Variants in NPAS2 observed in about 807,000 individuals in gnomAD.
NPAS2 encodes the protein neuronal PAS domain-containing protein 2.
In NPAS2, 23 loss-of-function variants were observed where a neutral mutation model predicts 107.5. That is an observed-to-expected ratio of 0.21 (90% CI 0.15 to 0.30). The LOEUF (loss-of-function observed/expected upper bound fraction) is 0.30. Among genes scored for constraint, NPAS2 ranks in the 10% least tolerant of loss-of-function variants. The pLI, the probability that NPAS2 is intolerant of heterozygous loss-of-function variation, is 1.00. For synonymous variants in NPAS2, 403 were observed against 417.5 expected (o/e 0.97, Z 0.42); for missense variants, 756 against 1,043.3 (o/e 0.72, Z 3.79).
chr2:100,978,315 T>C (rs1467717551), intron 15 of NPAS2, among the ~76,000 whole-genome samples: 1 of 152,224 alleles, frequency 6.6e-6, no homozygotes, highest in Non-Finnish European at 1.5e-5. Context: ...TCCATCCAAG[T>C]TGCTGCAGAA....
chr2:100,822,407 T>G (rs1336679685), intron 1 of NPAS2, among the ~76,000 whole-genome samples: 1 of 152,232 alleles, frequency 6.6e-6, no homozygotes. Flanking sequence ...TGTTTAATAA[T>G]GCAAATGATG....
Position 100,990,883 on chromosome 2 carries a change from C to A in NPAS2, c.2111+11C>A, listed in dbSNP as rs771644071. ...GGGACGGCAAGTCAAGTACGTGGAC[C>A]CTGGCGGGAGGCAGGAGGCAAGCGC... is the stretch of plus-strand genomic sequence containing the variant. On this transcript the variant is annotated intron_variant, in intron 19 of 20. Coordinates refer to ENST00000335681, the MANE Select transcript of NPAS2 (RefSeq NM_002518.4). 5.0e-6 allele frequency: 8 copies of A among 1,612,912 alleles called. No individual in the cohort carries two copies. Among genetic ancestry groups the A allele is most frequent in the South Asian group, 4.4e-5 (4 of 91,038 alleles).
At chr2:100,919,147 T>A (rs1558871641) in intron 2 of NPAS2, among the ~76,000 whole-genome samples, 1 of 152,158 alleles carries the variant, frequency 6.6e-6, no homozygotes, top group South Asian at 2.1e-4. Flanking sequence ...AAAGGTTACA[T>A]GCTATAGGAT....
At chr2:100,974,209 G>A (rs148530372) in intron 12 of NPAS2, among the ~76,000 whole-genome samples, 6 of 152,292 alleles carry the variant, frequency 3.9e-5, no homozygotes, top group Admixed American at 2.0e-4. Context: ...ACGGTCCTTC[G>A]GAGTCAGACT....
At chr2:100,987,864 G>C in intron 16 of NPAS2, 1 of 612,582 alleles carries the variant, frequency 1.6e-6, no homozygotes. Flanking sequence ...CATGAAGGCA[G>C]AGAGAGTGTC....
At chr2:100,954,310 G>A (rs898069834) in intron 7 of NPAS2, among the ~76,000 whole-genome samples, 1 of 152,150 alleles carries the variant, frequency 6.6e-6, no homozygotes, top group Non-Finnish European at 1.5e-5. Flanking sequence ...GGCTAACCCT[G>A]GGAGAGGCAG....
At chr2:100,905,608 G>T (rs938321029) in intron 2 of NPAS2, among the ~76,000 whole-genome samples, 3 of 152,118 alleles carry the variant, frequency 2.0e-5, no homozygotes, top group Non-Finnish European at 4.4e-5. Context: ...AGCCTTGGCA[G>T]CAGGGGACAT....
intron 1 of NPAS2, among the ~76,000 whole-genome samples, chr2:100,849,678 C>T (rs1295976952): frequency 6.6e-6 from 1 of 152,138 alleles, no homozygotes; most frequent in Non-Finnish European, 1.5e-5. Flanking sequence ...TTACTTTGCT[C>T]TAAAGCAAGG....
At chr2:100,948,402 T>G (rs1675030404) in intron 6 of NPAS2, 47 bp downstream of exon 6, 1 of 1,555,216 alleles carries the variant, frequency 6.4e-7, no homozygotes, top group East Asian at 2.3e-5. Context: ...ATAAGAATTT[T>G]GCTTTTGAAA....
intron 2 of NPAS2, among the ~76,000 whole-genome samples, chr2:100,913,511 G>T (rs1005480289): frequency 6.6e-6 from 1 of 152,176 alleles, no homozygotes; most frequent in Non-Finnish European, 1.5e-5. Flanking sequence ...AGGGAAGCCT[G>T]ATAGACGTTA....
At chr2:100,981,412 C>G (rs1384156917) in intron 15 of NPAS2, among the ~76,000 whole-genome samples, 2 of 152,184 alleles carry the variant, frequency 1.3e-5, no homozygotes, top group African/African-American at 4.8e-5. Flanking sequence ...GCCCCTCCTG[C>G]CATCCCTCCC....
chr2:100,975,006 C>CAG (rs1038131906), intron 13 of NPAS2, 62 bp downstream of exon 13: 37 of 1,582,198 alleles, frequency 2.3e-5, no homozygotes, highest in Non-Finnish European at 3.0e-5. Context: ...GACAGCCCCA[C>CAG]AGAGGGTCCC....
intron 1 of NPAS2, among the ~76,000 whole-genome samples, chr2:100,829,065 T>C (rs1676564050): frequency 6.6e-6 from 1 of 152,228 alleles, no homozygotes; most frequent in Non-Finnish European, 1.5e-5. Flanking sequence ...GTCATCTATG[T>C]TTTCTTTTAG....
rs547477549 is a variant in NPAS2 at position 100,934,752 on chromosome 2, G to A, written c.273+1751G>A. On this transcript the variant is annotated intron_variant, in intron 4 of 20. Coordinates refer to ENST00000335681, the MANE Select transcript of NPAS2 (RefSeq NM_002518.4). The stretch of plus-strand genomic sequence containing the variant: ...CTCCCTGGTGGCCTGAGCCCCAGCT[G>A]TGGTTGGGGGAGATGGGGAGCTCCC... 1.7e-5 allele frequency: 17 copies of A among 978,966 alleles called. No homozygotes were observed. The Admixed American group carries it at 1.0e-3, about 60-fold the overall frequency. The allele number at this position is 978,966 out of a possible 1,614,324, so 60.6% of individuals were successfully genotyped here.
At chr2:100,837,095 T>G (rs376013633) in intron 1 of NPAS2, among the ~76,000 whole-genome samples, 1 of 152,090 alleles carries the variant, frequency 6.6e-6, no homozygotes, top group Non-Finnish European at 1.5e-5. Context: ...TCCAGAGTTA[T>G]TAATGTTCTA....
At chr2:100,833,854 G>T (rs1237202191) in intron 1 of NPAS2, among the ~76,000 whole-genome samples, 1 of 152,102 alleles carries the variant, frequency 6.6e-6, no homozygotes, top group African/African-American at 2.4e-5. Flanking sequence ...AGTTCTTAAA[G>T]GATCCTATTG....
At chr2:100,952,327 A>C (rs976307705) in intron 7 of NPAS2, among the ~76,000 whole-genome samples, 1 of 152,032 alleles carries the variant, frequency 6.6e-6, no homozygotes, top group African/African-American at 2.4e-5. Flanking sequence ...ACAACAGTGC[A>C]CACACTTCGG....
At chr2:100,920,048 A>G (rs967392602) in intron 2 of NPAS2, among the ~76,000 whole-genome samples, 3 of 152,156 alleles carry the variant, frequency 2.0e-5, no homozygotes, top group Non-Finnish European at 2.9e-5. Flanking sequence ...TTGTGCACAG[A>G]AGGTGCTAAT....
chr2:100,892,257 G>A (rs913009770), intron 1 of NPAS2, among the ~76,000 whole-genome samples: 18 of 152,244 alleles, frequency 1.2e-4, no homozygotes, highest in African/African-American at 3.4e-4. Flanking sequence ...CTGACCAAAC[G>A]ATGTTACGGT....
Sources: gnomAD v4.1 joint callset for allele counts (sites outside exome capture counted in the v4.1 genomes callset) on GRCh38, gnomAD v4.1.1 for gene constraint, MANE v1.5 for transcripts, NCBI Gene and HGNC (gene_info 2026-07-23, HGNC 2026-07-21) for gene names.